TFDP2: variants seen among roughly 807,000 people sequenced by gnomAD.
TFDP2 encodes the protein transcription factor Dp-2 (E2F dimerization partner 2).
A neutral mutation model predicts 59.3 loss-of-function variants in TFDP2; 17 were observed. The observed-to-expected ratio is 0.29, with a 90% CI of 0.20 to 0.43. The LOEUF (loss-of-function observed/expected upper bound fraction) is 0.43. TFDP2 is among the 20% of genes least tolerant of loss of function. The pLI is 1.00. For missense variants in TFDP2, 391 were observed against 528.8 expected (o/e 0.74, Z 2.56); for synonymous variants, 180 against 194.7 (o/e 0.92, Z 0.63).
At chr3:142,146,717 G>A (rs1488987552) in intron 1 of TFDP2, among the ~76,000 whole-genome samples, 2 of 152,092 alleles carry the variant, frequency 1.3e-5, no homozygotes, top group Non-Finnish European at 2.9e-5. Flanking sequence ...AGAAGAATGT[G>A]GATGAACTAA....
At chr3:141,957,248 G>A (rs542232793) in intron 11 of TFDP2, among the ~76,000 whole-genome samples, 101 of 152,168 alleles carry the variant, frequency 6.6e-4, no homozygotes, top group Non-Finnish European at 1.2e-3. Context: ...AACCTGGGAG[G>A]TGGAGGTTGC....
Position 142,057,795 on chromosome 3 carries a change from C to T in TFDP2, c.82+35266G>A, listed in dbSNP as rs143149016. Among the ~76,000 whole-genome samples, 520 of 152,268 alleles carry T rather than the reference C, an allele frequency of 3.4e-3. 2 individuals are homozygous for T. The highest frequency in any genetic ancestry group is 9.1e-3 in the South Asian group (44 of 4,826). ...AGAATTATGTATGGCTACAGGGAGA[C>T]GCTAGAAGTTTTCCTCTTTGACCAC... On this transcript the variant is annotated intron_variant, in intron 3 of 12. Transcript: ENST00000489671.
chr3:141,998,685 G>A (rs1473010740), intron 4 of TFDP2, among the ~76,000 whole-genome samples: 1 of 152,104 alleles, frequency 6.6e-6, no homozygotes, highest in African/African-American at 2.4e-5. Context: ...CACTTGATAT[G>A]CTAAGGAAAA....
intron 6 of TFDP2, among the ~76,000 whole-genome samples, chr3:141,983,595 C>T (rs1045580073): frequency 2.7e-5 from 4 of 148,896 alleles, no homozygotes; most frequent in Non-Finnish European, 5.9e-5. Context: ...CGCCATCACA[C>T]GCCAGCCTGG....
intron 1 of TFDP2, among the ~76,000 whole-genome samples, chr3:142,130,967 C>T (rs1442185667): frequency 1.4e-5 from 2 of 148,086 alleles, no homozygotes; most frequent in Non-Finnish European, 1.5e-5. Flanking sequence ...GCAGGAGAAT[C>T]GCTTGAACGC....
At position 142,070,897 on chromosome 3, in the gene TFDP2, G is replaced by C. The variant is rs1560110716; in HGVS notation, c.82+22164C>G. On this transcript the variant is annotated intron_variant, in intron 3 of 12. Transcript: ENST00000489671. ...AGTTTTAAATATTTTTATTTGAGAG[G>C]CTTACAGGCCAGTGGAAATAAGACC... Among the ~76,000 whole-genome samples, 3 of 151,976 alleles carry C rather than the reference G, an allele frequency of 2.0e-5. 1 individual carries two copies. Among genetic ancestry groups the C allele is most frequent in the African/African-American group, 7.3e-5 (3 of 41,368 alleles).
chr3:141,958,999 G>A (rs1379115158), intron 11 of TFDP2, among the ~76,000 whole-genome samples: 1 of 135,192 alleles, frequency 7.4e-6, no homozygotes, highest in Admixed American at 8.1e-5. Flanking sequence ...TTCTTGCCCA[G>A]GCTAGAGTGC....
rs1281278412 is a variant in TFDP2 at position 142,109,295 on chromosome 3, A to C, written c.-92-7454T>G. On this transcript the variant is annotated intron_variant, in intron 1 of 12. Transcript: ENST00000489671. ...GCAGAAAATGAAAGGCCATGCAGAC[A>C]TTTAACACATCACACATCTGAAATG... Among the ~76,000 whole-genome samples, 3 of 151,970 alleles carry C rather than the reference A, an allele frequency of 2.0e-5. No homozygotes were observed. In the South Asian group the frequency reaches 6.2e-4, roughly 32 times the overall value.
At chr3:142,107,114 A>G (rs1403763729) in intron 1 of TFDP2, among the ~76,000 whole-genome samples, 1 of 152,236 alleles carries the variant, frequency 6.6e-6, no homozygotes, top group East Asian at 1.9e-4. Context: ...ATCAGCCATA[A>G]TCCTACTTGT....
intron 5 of TFDP2, 61 bp from the exon 6 acceptor site, chr3:141,993,646 A>C: frequency 1.0e-6 from 1 of 983,228 alleles, no homozygotes. Context: ...TAATTTCATT[A>C]ATACTTTATT....
At chr3:142,002,903 A>G (rs1943914557) in intron 4 of TFDP2, among the ~76,000 whole-genome samples, 1 of 152,110 alleles carries the variant, frequency 6.6e-6, no homozygotes, top group Non-Finnish European at 1.5e-5. Context: ...GGATCAAGAC[A>G]CCAGCAAATT....
chr3:142,087,463 G>A (rs2060837729), intron 3 of TFDP2, among the ~76,000 whole-genome samples: 2 of 151,704 alleles, frequency 1.3e-5, no homozygotes, highest in South Asian at 4.2e-4. Context: ...TCATTATGCA[G>A]CACATGACTG....
Position 142,005,552 on chromosome 3 carries a change from G to T in TFDP2, c.83-8C>A. 6.4e-7 allele frequency: 1 copy of T among 1,569,914 alleles called. No homozygotes were observed. The highest frequency in any genetic ancestry group is 1.1e-5 in the South Asian group (1 of 87,250). ...CAACAAATGAAATGTTGCCTGAAAT[G>T]ATATCAAAACATTAAGTTAGTATTC... is the stretch of plus-strand genomic sequence containing the variant. On this transcript the variant is annotated splice_polypyrimidine_tract_variant and splice_region_variant and intron_variant, in intron 3 of 12. Transcript: ENST00000489671.
intron 6 of TFDP2, among the ~76,000 whole-genome samples, chr3:141,993,099 C>T (rs1409036684): frequency 6.6e-6 from 1 of 151,726 alleles, no homozygotes; most frequent in Non-Finnish European, 1.5e-5. Context: ...CTTTGGGAGG[C>T]TGAGGCAGGA....
chr3:142,074,022 C>T (rs1442419923), intron 3 of TFDP2, among the ~76,000 whole-genome samples: 2 of 152,226 alleles, frequency 1.3e-5, no homozygotes, highest in East Asian at 3.8e-4. Context: ...AAAACTCACA[C>T]TTCCCAATTT....
Position 142,087,503 on chromosome 3 carries a change from C to CT in TFDP2, c.82+5557dup, listed in dbSNP as rs377083897. ...TCTTATTATTTCACATACTTCTTTT[C>CT]TTTTTTTTTTTTTTTGAGACAGGGC... On this transcript the variant is annotated intron_variant, in intron 3 of 12. Transcript: ENST00000489671. 5.8e-3 allele frequency among the ~76,000 whole-genome samples: 821 copies of CT among 141,972 alleles called. 6 individuals are homozygous for CT. Among genetic ancestry groups the CT allele is most frequent in the African/African-American group, 8.1e-3 (315 of 38,710 alleles). The allele number at this position is 141,972 out of a possible 152,430, so 93.1% of individuals were successfully genotyped here. A position where few individuals can be genotyped will look rare whatever the true frequency, so the allele number is the denominator to read the frequency against.
At chr3:142,018,238 C>T (rs947611660) in intron 3 of TFDP2, among the ~76,000 whole-genome samples, 1 of 152,122 alleles carries the variant, frequency 6.6e-6, no homozygotes, top group Non-Finnish European at 1.5e-5. Flanking sequence ...GCCACCGTAC[C>T]AGGCCTCAAT....
chr3:142,050,851 AAATC>A (rs61649165), intron 3 of TFDP2, among the ~76,000 whole-genome samples: 111,774 of 151,272 alleles, frequency 0.74, 41,351 homozygotes, highest in South Asian at 0.8. Context: ...CCATCTCAAA[AAATC>A]AATCAATCAA....
At chr3:142,014,153 GTTTGT>G (rs1197649326) in intron 3 of TFDP2, among the ~76,000 whole-genome samples, 1 of 152,042 alleles carries the variant, frequency 6.6e-6, no homozygotes, top group Non-Finnish European at 1.5e-5. Context: ...TGTTTGGTTT[GTTTGT>G]TTTGAGACAG....
Sources: gnomAD v4.1 joint callset for allele counts (sites outside exome capture counted in the v4.1 genomes callset) on GRCh38, gnomAD v4.1.1 for gene constraint, MANE v1.5 for transcripts, NCBI Gene and HGNC (gene_info 2026-07-23, HGNC 2026-07-21) for gene names.